The following POU6F2 variants were observed in gnomAD, a reference collection of about 807,000 sequenced individuals.
POU6F2 encodes the protein POU class 6 homeobox 2, also known as POU domain, class 6, transcription factor 2.
A neutral mutation model predicts 71.3 loss-of-function variants in POU6F2; 31 were observed. The observed-to-expected ratio is 0.43, with a 90% CI of 0.33 to 0.59. The LOEUF (loss-of-function observed/expected upper bound fraction) is 0.59, where lower values mean the gene tolerates loss of function less well. Ranked by LOEUF, POU6F2 falls within the 20% of genes least tolerant of loss-of-function variation. The pLI is 0.04. For synonymous variants in POU6F2, 347 were observed against 355.7 expected (o/e 0.98, Z 0.27); for missense variants, 783 against 856.8 (o/e 0.91, Z 1.07).
At chr7:39,262,188 T>A (rs1452286921) in intron 4 of POU6F2, among the ~76,000 whole-genome samples, 2 of 152,176 alleles carry the variant, frequency 1.3e-5, no homozygotes, top group African/African-American at 4.8e-5. Context: ...TTCATAAGGT[T>A]CCTGTTTGCA....
intron 4 of POU6F2, among the ~76,000 whole-genome samples, chr7:39,264,058 A>T (rs1384639625): frequency 6.6e-6 from 1 of 152,170 alleles, no homozygotes; most frequent in Non-Finnish European, 1.5e-5. Context: ...GACGGTCTCA[A>T]GGCCCCTAAG....
intron 1 of POU6F2, among the ~76,000 whole-genome samples, chr7:38,992,959 A>G (rs1246194608): frequency 6.6e-6 from 1 of 152,228 alleles, no homozygotes; most frequent in Admixed American, 6.6e-5. Context: ...ACAAATTGAC[A>G]AAGTTAATGA....
chr7:39,402,481 A>G (rs1787327581), intron 5 of POU6F2, among the ~76,000 whole-genome samples: 1 of 152,164 alleles, frequency 6.6e-6, no homozygotes, highest in Non-Finnish European at 1.5e-5. Flanking sequence ...CTCATTCACA[A>G]TATTTTGACA....
At chr7:39,034,023 T>C (rs1790006380) in intron 1 of POU6F2, among the ~76,000 whole-genome samples, 1 of 152,210 alleles carries the variant, frequency 6.6e-6, no homozygotes, top group African/African-American at 2.4e-5. Context: ...GTAAATAACT[T>C]TCTTCAAGCC....
intron 5 of POU6F2, among the ~76,000 whole-genome samples, chr7:39,400,904 GA>G (rs1209429311): frequency 1.3e-5 from 2 of 152,182 alleles, no homozygotes; most frequent in Non-Finnish European, 2.9e-5. Context: ...ATACAGCCAT[GA>G]AAAATTAGGA....
chr7:39,418,151 G>T (rs1261208672), intron 6 of POU6F2, among the ~76,000 whole-genome samples: 1 of 152,150 alleles, frequency 6.6e-6, no homozygotes, highest in Non-Finnish European at 1.5e-5. Flanking sequence ...TTTAATCACT[G>T]TACTGTAATA....
At chr7:39,084,319 C>T (rs1791190528) in intron 1 of POU6F2, among the ~76,000 whole-genome samples, 1 of 152,140 alleles carries the variant, frequency 6.6e-6, no homozygotes, top group Non-Finnish European at 1.5e-5. Context: ...AGGTTTGAAA[C>T]AGTCAACAGA....
At chr7:39,147,211 G>T (rs1464981156) in intron 2 of POU6F2, among the ~76,000 whole-genome samples, 2 of 152,060 alleles carry the variant, frequency 1.3e-5, no homozygotes, top group African/African-American at 2.4e-5. Flanking sequence ...TATTCGGTTG[G>T]TACAAAAGTA....
intron 6 of POU6F2, among the ~76,000 whole-genome samples, chr7:39,426,349 C>G (rs774951374): frequency 3.9e-5 from 6 of 152,136 alleles, no homozygotes; most frequent in African/African-American, 1.4e-4. Context: ...CTTTCCTGCT[C>G]AGAGCTTGGT....
chr7:39,300,900 A>T (rs1784938329), intron 4 of POU6F2, among the ~76,000 whole-genome samples: 1 of 152,214 alleles, frequency 6.6e-6, no homozygotes, highest in Non-Finnish European at 1.5e-5. Flanking sequence ...AAGAGGAGAC[A>T]TAATTCAGCC....
At chr7:39,234,559 G>GTA (rs1485354723) in intron 4 of POU6F2, among the ~76,000 whole-genome samples, 1 of 152,072 alleles carries the variant, frequency 6.6e-6, no homozygotes, top group Non-Finnish European at 1.5e-5. Context: ...AGGAGACAAA[G>GTA]TAAAGGAACA....
At chr7:39,262,660 G>C (rs1266453095) in intron 4 of POU6F2, among the ~76,000 whole-genome samples, 3 of 152,140 alleles carry the variant, frequency 2.0e-5, no homozygotes, top group African/African-American at 7.2e-5. Flanking sequence ...AAAATGAGTA[G>C]AATTGCCATA....
At chr7:39,118,413 A>AG (rs1791975773) in intron 2 of POU6F2, among the ~76,000 whole-genome samples, 1 of 152,264 alleles carries the variant, frequency 6.6e-6, no homozygotes, top group East Asian at 1.9e-4. Flanking sequence ...TAAAACTTGG[A>AG]GAAAAAAAAA....
chr7:39,337,593 C>T (rs1396503562), intron 4 of POU6F2, among the ~76,000 whole-genome samples: 1 of 152,156 alleles, frequency 6.6e-6, no homozygotes, highest in East Asian at 1.9e-4. Context: ...TGTCATATTT[C>T]ACTATGCTTT....
chr7:39,246,249 C>T (rs911241346), intron 4 of POU6F2, among the ~76,000 whole-genome samples: 1 of 152,068 alleles, frequency 6.6e-6, no homozygotes, highest in Non-Finnish European at 1.5e-5. Flanking sequence ...GGCACTGGGA[C>T]GACAGGAGGA....
chr7:38,983,018 T>A (rs1365787766), intron 1 of POU6F2, among the ~76,000 whole-genome samples: 1 of 152,100 alleles, frequency 6.6e-6, no homozygotes, highest in Non-Finnish European at 1.5e-5. Context: ...CTTACAAAAA[T>A]TGGAATATAA....
At chr7:39,155,863 C>T (rs767700760) in intron 2 of POU6F2, among the ~76,000 whole-genome samples, 1 of 152,026 alleles carries the variant, frequency 6.6e-6, no homozygotes, top group Non-Finnish European at 1.5e-5. Context: ...TGTAAATAGC[C>T]ATATGGCAAA....
chr7:39,375,977 G>A (rs1786703406), intron 5 of POU6F2, among the ~76,000 whole-genome samples: 1 of 152,052 alleles, frequency 6.6e-6, no homozygotes, highest in African/African-American at 2.4e-5. Flanking sequence ...TCACTAGCTG[G>A]GTGACCTTGG....
At chr7:39,150,014 T>G (rs1421743943) in intron 2 of POU6F2, among the ~76,000 whole-genome samples, 1 of 151,826 alleles carries the variant, frequency 6.6e-6, no homozygotes, top group South Asian at 2.1e-4. Flanking sequence ...GCCTCCCGAG[T>G]AGCTGGGACT....
Sources: gnomAD v4.1 joint callset for allele counts (sites outside exome capture counted in the v4.1 genomes callset) on GRCh38, gnomAD v4.1.1 for gene constraint, MANE v1.5 for transcripts, NCBI Gene and HGNC (gene_info 2026-07-23, HGNC 2026-07-21) for gene names.